Variants in OSBPL8 observed in about 807,000 individuals in gnomAD.
The protein encoded by OSBPL8 is oxysterol binding protein like 8, also known as oxysterol-binding protein-related protein 8.
Under a neutral mutation model 125.5 loss-of-function variants are expected in OSBPL8, and 59 were observed. That is an observed-to-expected ratio of 0.47 (90% CI 0.38 to 0.58). The LOEUF (loss-of-function observed/expected upper bound fraction) is 0.58, where lower values mean the gene tolerates loss of function less well. Among genes scored for constraint, OSBPL8 ranks in the 20% least tolerant of loss-of-function variants. The pLI, the probability that OSBPL8 is intolerant of heterozygous loss-of-function variation, is 0.00. For synonymous variants in OSBPL8, 330 were observed against 338.9 expected (o/e 0.97, Z 0.29); for missense variants, 758 against 1,047.8 (o/e 0.72, Z 3.82).
At chr12:76,481,466 A>G (rs1162881203) in intron 2 of OSBPL8, among the ~76,000 whole-genome samples, 1 of 152,110 alleles carries the variant, frequency 6.6e-6, no homozygotes, top group African/African-American at 2.4e-5. Context: ...CGTCTATTAA[A>G]AAAAAATTTA....
chr12:76,393,824 C>A (rs1292045674), intron 9 of OSBPL8, among the ~76,000 whole-genome samples: 1 of 151,324 alleles, frequency 6.6e-6, no homozygotes, highest in African/African-American at 2.4e-5. Context: ...GAGTGTGAGA[C>A]CATCCTGGCC....
At chr12:76,360,570 T>G (rs760641281) in intron 21 of OSBPL8, among the ~76,000 whole-genome samples, 68 of 152,164 alleles carry the variant, frequency 4.5e-4, no homozygotes, top group Non-Finnish European at 8.2e-4. Context: ...AGGGACTCTG[T>G]GGGGGGCTCC....
intron 1 of OSBPL8, among the ~76,000 whole-genome samples, chr12:76,520,201 T>A (rs1470512914): frequency 6.6e-6 from 1 of 152,196 alleles, no homozygotes; most frequent in Non-Finnish European, 1.5e-5. Context: ...CTTAAAAATG[T>A]ATATTGATAT....
intron 14 of OSBPL8, among the ~76,000 whole-genome samples, chr12:76,385,219 TAGG>T (rs1953260033): frequency 6.6e-6 from 1 of 152,182 alleles, no homozygotes; most frequent in Admixed American, 6.5e-5. Context: ...TCAAAACCTC[TAGG>T]AGAAGAAGGT....
At chr12:76,377,497 G>C (rs1952873157) in intron 16 of OSBPL8, among the ~76,000 whole-genome samples, 1 of 151,980 alleles carries the variant, frequency 6.6e-6, no homozygotes, top group Admixed American at 6.6e-5. Flanking sequence ...ATCTCATTGT[G>C]GTTTGATTTG....
In OSBPL8 at chr12:76,504,086, CA is replaced by C. The variant is rs74964976; in HGVS notation, c.-67-16469del. On this transcript the variant is annotated intron_variant, in intron 1 of 23. Coordinates refer to ENST00000261183, the MANE Select transcript of OSBPL8 (RefSeq NM_020841.5). Reference sequence around the variant, plus strand: ...GGATCTCATCCAACCACTTAAAGGCCAAAAAAAAAAAAAAAACCTGAGGTCC... The same window carrying C: ...GGATCTCATCCAACCACTTAAAGGCCAAAAAAAAAAAAAAACCTGAGGTCC... Among the ~76,000 whole-genome samples, 260 of 98,278 alleles carry C rather than the reference CA, an allele frequency of 2.6e-3. 1 individual carries two copies. The highest frequency in any genetic ancestry group is 4.2e-3 in the Non-Finnish European group (177 of 41,908). The allele number at this position is 98,278 out of a possible 152,430, so 64.5% of individuals were successfully genotyped here.
intron 21 of OSBPL8, among the ~76,000 whole-genome samples, chr12:76,360,526 C>T (rs928738248): frequency 2.0e-5 from 3 of 152,148 alleles, no homozygotes; most frequent in Non-Finnish European, 4.4e-5. Flanking sequence ...GACGGTGGCC[C>T]GCTTCTCACA....
intron 1 of OSBPL8, among the ~76,000 whole-genome samples, chr12:76,552,428 CAAAAAAAAAAAA>C (rs55942644): frequency 5.1e-4 from 28 of 54,902 alleles, no homozygotes; most frequent in South Asian, 9.5e-4. Flanking sequence ...CCCATGTCTC[CAAAAAAAAAAAA>C]AAAAAAAAAA....
chr12:76,504,213 C>A (rs559216415), intron 1 of OSBPL8, among the ~76,000 whole-genome samples: 1 of 152,106 alleles, frequency 6.6e-6, no homozygotes, highest in South Asian at 2.1e-4. Context: ...AAATTTCATA[C>A]TTGCTAGTCC....
At chr12:76,554,477 CT>C (rs1360782709) in intron 1 of OSBPL8, among the ~76,000 whole-genome samples, 1 of 152,228 alleles carries the variant, frequency 6.6e-6, no homozygotes, top group Middle Eastern at 3.2e-3. Context: ...CCACCTACTA[CT>C]TAACTTCTCT....
Position 76,549,571 on chromosome 12 carries a change from C to T in OSBPL8, c.-68+9826G>A, listed in dbSNP as rs1241442100. ...GATTACAGGCACCTGCCACCATGCC[C>T]AGCTAATTTTTAGTAGAGACAGGGT... On this transcript the variant is annotated intron_variant, in intron 1 of 23. Coordinates refer to ENST00000261183, the MANE Select transcript of OSBPL8 (RefSeq NM_020841.5). Among the ~76,000 whole-genome samples the T allele has an allele frequency of 3.9e-5, 6 of 152,088 alleles. No individual in the cohort carries two copies. In the East Asian group the frequency reaches 9.7e-4, roughly 25 times the overall value.
At chr12:76,449,925 G>A (rs1206291986) in intron 4 of OSBPL8, among the ~76,000 whole-genome samples, 1 of 151,884 alleles carries the variant, frequency 6.6e-6, no homozygotes. Context: ...GTCAAGTTTT[G>A]GCATATTATC....
chr12:76,479,348 A>C (rs1236580294), intron 2 of OSBPL8, among the ~76,000 whole-genome samples: 1 of 152,154 alleles, frequency 6.6e-6, no homozygotes, highest in Non-Finnish European at 1.5e-5. Flanking sequence ...ATGCACACAA[A>C]ATTTTTTTAA....
chr12:76,412,466 C>T (rs1868270147), intron 4 of OSBPL8, among the ~76,000 whole-genome samples: 1 of 152,260 alleles, frequency 6.6e-6, no homozygotes, highest in East Asian at 1.9e-4. Flanking sequence ...TTTCCCTACT[C>T]TTCCATTTTA....
chr12:76,483,129 G>A (rs1236737318), intron 2 of OSBPL8, among the ~76,000 whole-genome samples: 8 of 152,032 alleles, frequency 5.3e-5, no homozygotes, highest in South Asian at 2.1e-4. Context: ...GCATGGTGGC[G>A]CTCGCCTGTA....
intron 4 of OSBPL8, among the ~76,000 whole-genome samples, chr12:76,413,237 T>C (rs1424378925): frequency 6.6e-6 from 1 of 152,174 alleles, no homozygotes; most frequent in Non-Finnish European, 1.5e-5. Context: ...TAACATTTCA[T>C]AAGATTCCTC....
chr12:76,499,350 C>CTATCTATCTATCTATCTATCATCT lies in OSBPL8; in HGVS notation c.-67-11733_-67-11732insAGATGATAGATAGATAGATAGATA, dbSNP rs71082312. ...TCTATCTATCTATCTATCTATCTAT[C>CTATCTATCTATCTATCTATCATCT]ATCTATCTATCTATCTAATCTATCT... On this transcript the variant is annotated intron_variant, in intron 1 of 23. Coordinates refer to ENST00000261183, the MANE Select transcript of OSBPL8 (RefSeq NM_020841.5). Among the ~76,000 whole-genome samples, 620 of 107,502 alleles carry CTATCTATCTATCTATCTATCATCT rather than the reference C, an allele frequency of 5.8e-3. 3 individuals are homozygous for CTATCTATCTATCTATCTATCATCT. Among genetic ancestry groups the CTATCTATCTATCTATCTATCATCT allele is most frequent in the Admixed American group, 0.011 (102 of 9,624 alleles). The allele number at this position is 107,502 out of a possible 152,430, so 70.5% of individuals were successfully genotyped here.
At chr12:76,357,086 A>AT (rs764105025) in intron 22 of OSBPL8, among the ~76,000 whole-genome samples, 1 of 151,852 alleles carries the variant, frequency 6.6e-6, no homozygotes, top group African/African-American at 2.4e-5. Flanking sequence ...CTTTTTTCCA[A>AT]TTTTTTATTG....
At chr12:76,502,613 C>T (rs932816970) in intron 1 of OSBPL8, among the ~76,000 whole-genome samples, 1 of 152,162 alleles carries the variant, frequency 6.6e-6, no homozygotes, top group Non-Finnish European at 1.5e-5. Context: ...GATGGGATAT[C>T]TTTTAGTACT....
Sources: allele counts gnomAD v4.1 joint callset (sites outside exome capture counted in the v4.1 genomes callset), GRCh38; gene constraint gnomAD v4.1.1; transcripts MANE v1.5; gene names NCBI Gene and HGNC (gene_info 2026-07-23, HGNC 2026-07-21).